Variants in SFR1 observed in about 807,000 individuals in gnomAD.
The protein encoded by SFR1 is swi5-dependent recombination DNA repair protein 1 homolog.
Under a neutral mutation model 26.2 loss-of-function variants are expected in SFR1, and 24 were observed. The observed-to-expected ratio is 0.92, with a 90% CI of 0.66 to 1.29. The LOEUF (loss-of-function observed/expected upper bound fraction) is 1.29, where lower values mean the gene tolerates loss of function less well. SFR1 is among the 50% of genes most tolerant of loss of function. The probability of loss-of-function intolerance (pLI) is 0.00; values close to 1 mark genes in which losing one functional copy is unlikely to be tolerated. For missense variants in SFR1, 276 were observed against 270.2 expected (o/e 1.02, Z -0.15); for synonymous variants, 77 against 96.6 (o/e 0.80, Z 1.19).
chr10:104,121,328 G>T (rs1368106647), upstream of SFR1, among the ~76,000 whole-genome samples: 1 of 152,056 alleles, frequency 6.6e-6, no homozygotes, highest in South Asian at 2.1e-4. Context: ...TACAGAAACG[G>T]TTTTTTGTTT....
chr10:104,123,918 A>C lies in SFR1; in HGVS notation c.340A>C (p.Asn114His). Residue 114 changes from asparagine (N) to histidine (H), a missense_variant, in exon 3 of 4, where the codon AAT (asparagine) becomes CAT (histidine). Coordinates refer to ENST00000369727, the MANE Select transcript of SFR1 (RefSeq NM_001002759.2). ...HIDSEFEENT[N>H]LKNTLKNLNV... ...AGACAGTGAATTTGAAGAAAATACA[A>C]ATTTGAAAAATACTTTGAAGAATCT... 1 of 1,613,300 alleles carries C rather than the reference A, an allele frequency of 6.2e-7. No individual in the cohort carries two copies. The highest frequency in any genetic ancestry group is 8.5e-7 in the Non-Finnish European group (1 of 1,179,734).
intron 2 of SFR1, 158 bp downstream of exon 2, chr10:104,123,244 A>G (rs1469606085): frequency 5.1e-6 from 3 of 586,150 alleles, no homozygotes; most frequent in East Asian, 5.8e-5. Flanking sequence ...CTAAGGTGAC[A>G]TATATGACAC....
At chr10:104,125,476 C>G (rs1329800659) in intron 3 of SFR1, 37 bp from the exon 4 acceptor site, 1 of 1,518,728 alleles carries the variant, frequency 6.6e-7, no homozygotes. Context: ...ACTAGCATGA[C>G]TAGTTATTGA....
intron 2 of SFR1, 90 bp downstream of exon 2, chr10:104,123,176 T>G: frequency 9.6e-7 from 1 of 1,042,828 alleles, no homozygotes; most frequent in South Asian, 1.7e-5. Context: ...AGGTTGTTAA[T>G]TAACATAATG....
chr10:104,122,705 G>T, intron 1 of SFR1: 1 of 1,380,298 alleles, frequency 7.2e-7, no homozygotes, highest in Non-Finnish European at 9.4e-7. Context: ...ATATATTTTG[G>T]TGGATGAAAC....
chr10:104,121,588 C>A (rs923582867), upstream of SFR1, among the ~76,000 whole-genome samples: 9 of 152,198 alleles, frequency 5.9e-5, no homozygotes, highest in African/African-American at 2.2e-4. Flanking sequence ...AGCTGTAAAT[C>A]TAACATGCAG....
At chr10:104,124,942 A>G (rs931919663) in intron 3 of SFR1, among the ~76,000 whole-genome samples, 23 of 152,048 alleles carry the variant, frequency 1.5e-4, no homozygotes, top group Admixed American at 1.5e-3. Flanking sequence ...GACTACAGAC[A>G]TGTGCCATCA....
At chr10:104,125,459 A>T in intron 3 of SFR1, 54 bp from the exon 4 acceptor site, 1 of 1,410,694 alleles carries the variant, frequency 7.1e-7, no homozygotes, top group Non-Finnish European at 9.8e-7. Context: ...AACTTTAATT[A>T]AGTTGAACTA....
rs2087020186 is a variant in SFR1, at chr10:104,125,745, T to G, written c.*41T>G. 1 of 1,408,826 alleles carries G rather than the reference T, an allele frequency of 7.1e-7. No homozygotes were observed. Among genetic ancestry groups the G allele is most frequent in the Non-Finnish European group, 9.8e-7 (1 of 1,023,258 alleles). The allele number at this position is 1,408,826 out of a possible 1,614,324, so 87.3% of individuals were successfully genotyped here. On this transcript the variant is annotated 3_prime_UTR_variant, in exon 4 of 4. Coordinates refer to ENST00000369727, the MANE Select transcript of SFR1 (RefSeq NM_001002759.2). ...CCAGAATATCTTTGAGAATGACAAC[T>G]TAATTAAAAGATACTTAGGCACTTT...
chr10:104,120,983 GA>G (rs1486501376), upstream of SFR1, among the ~76,000 whole-genome samples: 1 of 152,104 alleles, frequency 6.6e-6, no homozygotes, highest in Non-Finnish European at 1.5e-5. Context: ...CTGGCCCCTG[GA>G]AATTCCCAAC....
chr10:104,122,523 G>C, intron 1 of SFR1: 1 of 985,414 alleles, frequency 1.0e-6, no homozygotes, highest in Non-Finnish European at 1.2e-6. Flanking sequence ...CGGGCCGGCA[G>C]GGTAACGGGT....
upstream of SFR1, chr10:104,121,984 T>C: frequency 1.8e-6 from 1 of 557,626 alleles, no homozygotes; most frequent in Non-Finnish European, 3.2e-6. Flanking sequence ...TCCCATCGTG[T>C]GGGCCAAGCC....
rs1346745987 is a variant in SFR1 at position 104,126,122 on chromosome 10, A to G, written c.*418A>G. ...ACTAAGTTCTAAAAGGAAAATTAGT[A>G]TTTTGGATAGATTTGTCAAAACGAC... On this transcript the variant is annotated 3_prime_UTR_variant, in exon 4 of 4. Coordinates refer to ENST00000369727, the MANE Select transcript of SFR1 (RefSeq NM_001002759.2). 1 of 152,796 alleles carries G rather than the reference A, an allele frequency of 6.5e-6. No individual in the cohort carries two copies. Among genetic ancestry groups the G allele is most frequent in the Non-Finnish European group, 1.5e-5 (1 of 68,184 alleles). The allele number at this position is 152,796 out of a possible 1,614,324, so 9.5% of individuals were successfully genotyped here.
intron 2 of SFR1, 111 bp downstream of exon 2, chr10:104,123,197 A>AT: frequency 1.2e-6 from 1 of 836,914 alleles, no homozygotes; most frequent in South Asian, 2.2e-5. Flanking sequence ...TGTAGCATAA[A>AT]TAAGTAGACA....
At chr10:104,121,903 A>G (rs530272765), upstream of SFR1, among the ~76,000 whole-genome samples, 3 of 151,100 alleles carry the variant, frequency 2.0e-5, no homozygotes, top group South Asian at 6.3e-4. Context: ...GCGCGCACTC[A>G]CGCTGCTCTC....
At chr10:104,125,474 G>T in intron 3 of SFR1, 39 bp from the exon 4 acceptor site, 1 of 1,488,550 alleles carries the variant, frequency 6.7e-7, no homozygotes, top group South Asian at 1.2e-5. Context: ...GAACTAGCAT[G>T]ACTAGTTATT....
chr10:104,122,088 C>T (rs2086968571), upstream of SFR1: 1 of 1,423,668 alleles, frequency 7.0e-7, no homozygotes, highest in African/African-American at 1.4e-5. Flanking sequence ...GCAATCTGGC[C>T]AATTGCGCAT....
chr10:104,123,816 G>C lies in SFR1; in HGVS notation c.238G>C (p.Asp80His). The change falls in exon 3 of 4, where the codon GAT (aspartate) becomes CAT (histidine). Residue 80 changes from aspartate to histidine, a missense_variant. Physicochemically the swap from Asp to His is moderately conservative, Grantham distance 81. Coordinates refer to ENST00000369727, the MANE Select transcript of SFR1 (RefSeq NM_001002759.2). Reference sequence around the variant, plus strand: ...TCTTAAAGTAGAGAGTGAAGAAAATGATCAGACCTTTTCAGAGAAACCAGC... The same window carrying C: ...TCTTAAAGTAGAGAGTGAAGAAAATCATCAGACCTTTTCAGAGAAACCAGC... ...KRLKVESEEN[D>H]QTFSEKPASS... The C allele has an allele frequency of 1.2e-6, 2 of 1,612,932 alleles. No homozygotes were observed. The highest frequency in any genetic ancestry group is 1.7e-6 in the Non-Finnish European group (2 of 1,179,906).
At position 104,123,404 on chromosome 10, in the gene SFR1, A is replaced by C. The variant is rs193056052; in HGVS notation, c.136-310A>C. On this transcript the variant is annotated intron_variant, in intron 2 of 3. Coordinates refer to ENST00000369727, the MANE Select transcript of SFR1 (RefSeq NM_001002759.2). The stretch of plus-strand genomic sequence containing the variant: ...GTGGCAGAGTCTAGGTCTTTTCCTT[A>C]CTCTGTAATTCTGAAGCACCTGGAG... 112 of 368,640 alleles carry C rather than the reference A, an allele frequency of 3.0e-4. No individual in the cohort carries two copies. The East Asian group carries it at 4.9e-3, about 16-fold the overall frequency. 22.8% of individuals were successfully genotyped at this position (368,640 alleles called of 1,614,324 possible).
Sources: allele counts gnomAD v4.1 joint callset (sites outside exome capture counted in the v4.1 genomes callset), GRCh38; gene constraint gnomAD v4.1.1; transcripts MANE v1.5; gene names NCBI Gene and HGNC (gene_info 2026-07-23, HGNC 2026-07-21).